BBS9: variants seen among roughly 807,000 people sequenced by gnomAD.
The protein encoded by BBS9 is Bardet-Biedl syndrome 9.
A neutral mutation model predicts 117.7 loss-of-function variants in BBS9; 89 were observed. The observed-to-expected ratio is 0.76, with a 90% confidence interval of 0.64 to 0.90. The LOEUF is 0.90. Among genes scored for constraint, BBS9 ranks in the 40% least tolerant of loss-of-function variants. The pLI, the probability that BBS9 is intolerant of heterozygous loss-of-function variation, is 0.00. For missense variants in BBS9, 982 were observed against 1,042.2 expected (o/e 0.94, Z 0.80); for synonymous variants, 379 against 370.9 (o/e 1.02, Z -0.25).
intron 21 of BBS9, among the ~76,000 whole-genome samples, chr7:33,565,766 T>C (rs1184120525): frequency 8.7e-6 from 1 of 115,456 alleles, no homozygotes; most frequent in East Asian, 2.8e-4. Context: ...ATACAAAACA[T>C]TAAGGCTATC....
In BBS9 at chr7:33,526,616, T is replaced by A. The variant is rs530800833; in HGVS notation, c.2299-7338T>A. 3.1e-4 allele frequency among the ~76,000 whole-genome samples: 47 copies of A among 149,246 alleles called. 1 individual carries two copies. The South Asian group carries it at 9.7e-3, about 31-fold the overall frequency. ...AGCTCCATCAGCTCCTTTAAGCACTTCTCTGTATTGGTTATTCTAGTTATA... is the reference window on the plus strand; with the variant it reads ...AGCTCCATCAGCTCCTTTAAGCACTACTCTGTATTGGTTATTCTAGTTATA... On this transcript the variant is annotated intron_variant, in intron 20 of 22. Coordinates refer to ENST00000242067, the MANE Select transcript of BBS9 (RefSeq NM_198428.3).
chr7:33,435,159 T>A (rs1345374788), intron 19 of BBS9, among the ~76,000 whole-genome samples: 2 of 152,166 alleles, frequency 1.3e-5, no homozygotes, highest in African/African-American at 4.8e-5. Context: ...GTGGTCTTTT[T>A]AGTTGAACAC....
At chr7:33,181,372 C>T (rs968814305) in intron 5 of BBS9, among the ~76,000 whole-genome samples, 2 of 152,196 alleles carry the variant, frequency 1.3e-5, no homozygotes, top group African/African-American at 4.8e-5. Context: ...GCTGGGATTA[C>T]AGATGTGAGG....
Position 33,440,407 on chromosome 7 carries a change from T to G in BBS9, c.2115+52263T>G, listed in dbSNP as rs1029685197. On this transcript the variant is annotated intron_variant, in intron 19 of 22. Coordinates refer to ENST00000242067, the MANE Select transcript of BBS9 (RefSeq NM_198428.3). Reference sequence around the variant, plus strand: ...TATTTTCTTACTGGCTTTTGTTTTCTAAAGAAAGGGTAGTTTTAAATATTC... The same window carrying G: ...TATTTTCTTACTGGCTTTTGTTTTCGAAAGAAAGGGTAGTTTTAAATATTC... 3.3e-5 allele frequency among the ~76,000 whole-genome samples: 5 copies of G among 152,162 alleles called. 1 individual carries two copies. The highest frequency in any genetic ancestry group is 1.2e-4 in the African/African-American group (5 of 41,432).
Position 33,264,275 on chromosome 7 carries a change from A to C in BBS9, c.618-15A>C. 7.1e-7 allele frequency: 1 copy of C among 1,410,200 alleles called. No individual in the cohort carries two copies. Among genetic ancestry groups the C allele is most frequent in the Non-Finnish European group, 9.5e-7 (1 of 1,055,828 alleles). 87.4% of individuals were successfully genotyped at this position (1,410,200 alleles called of 1,614,324 possible). ...TATAAACTCATTTATAATTTTTTAA[A>C]TTTCTTTCATACAGGTACCAGGTAC... On this transcript the variant is annotated splice_polypyrimidine_tract_variant and intron_variant, in intron 6 of 22. Coordinates refer to ENST00000242067, the MANE Select transcript of BBS9 (RefSeq NM_198428.3).
chr7:33,533,864 A>G (rs1585158307), intron 20 of BBS9, 90 bp from the exon 21 acceptor site: 4 of 1,423,658 alleles, frequency 2.8e-6, no homozygotes, highest in Non-Finnish European at 4.0e-6. Flanking sequence ...ACACTTGAAC[A>G]TAAACACTCA....
At chr7:33,148,352 T>C (rs1792751659) in intron 2 of BBS9, among the ~76,000 whole-genome samples, 1 of 152,022 alleles carries the variant, frequency 6.6e-6, no homozygotes, top group African/African-American at 2.4e-5. Context: ...GGAAGAGTAG[T>C]AGATTCTGAA....
chr7:33,171,117 T>C (rs936602364), intron 4 of BBS9, among the ~76,000 whole-genome samples: 8 of 152,028 alleles, frequency 5.3e-5, no homozygotes, highest in African/African-American at 1.7e-4. Flanking sequence ...AAAGTTCATA[T>C]GGAATGAAAA....
At chr7:33,596,282 A>T (rs1296390734) in intron 21 of BBS9, among the ~76,000 whole-genome samples, 1 of 134,034 alleles carries the variant, frequency 7.5e-6, no homozygotes, top group Admixed American at 7.0e-5. Context: ...ACACACACAC[A>T]CACACACACA....
At chr7:33,590,464 T>TGTTTTTG (rs1554551737) in intron 21 of BBS9, among the ~76,000 whole-genome samples, 1 of 147,036 alleles carries the variant, frequency 6.8e-6, no homozygotes, top group African/African-American at 2.5e-5. Flanking sequence ...TTTTTGTTTT[T>TGTTTTTG]TTTTTTTTTT....
At chr7:33,318,783 G>A (rs1471269080) in intron 9 of BBS9, among the ~76,000 whole-genome samples, 2 of 151,848 alleles carry the variant, frequency 1.3e-5, no homozygotes, top group Non-Finnish European at 2.9e-5. Context: ...TCATTCTTAT[G>A]CCTTTGCATC....
At chr7:33,574,044 G>T (rs1303380770) in intron 21 of BBS9, among the ~76,000 whole-genome samples, 1 of 152,104 alleles carries the variant, frequency 6.6e-6, no homozygotes, top group Non-Finnish European at 1.5e-5. Context: ...TGCATGTGGG[G>T]TCCCAGTGCC....
At chr7:33,392,476 A>G (rs2128767654) in intron 19 of BBS9, among the ~76,000 whole-genome samples, 1 of 152,266 alleles carries the variant, frequency 6.6e-6, no homozygotes, top group South Asian at 2.1e-4. Flanking sequence ...TGGTGACTAT[A>G]TGTCCCAATG....
At chr7:33,242,308 G>GTAGA (rs1280572931) in intron 5 of BBS9, among the ~76,000 whole-genome samples, 2 of 151,972 alleles carry the variant, frequency 1.3e-5, no homozygotes, top group African/African-American at 4.8e-5. Context: ...TACAGTAGAG[G>GTAGA]TAGAGCTCTT....
chr7:33,209,894 A>C (rs961939531), intron 5 of BBS9, among the ~76,000 whole-genome samples: 14 of 152,038 alleles, frequency 9.2e-5, no homozygotes, highest in African/African-American at 2.7e-4. Flanking sequence ...ATTCATTTAT[A>C]TCTGCTCTAA....
In BBS9 at chr7:33,619,784, A is replaced by G. The variant is rs139968069; in HGVS notation, c.2522-15393A>G. Among the ~76,000 whole-genome samples, 150 of 152,296 alleles carry G rather than the reference A, an allele frequency of 9.8e-4. 1 individual carries two copies. The Middle Eastern group carries it at 0.01, about 10-fold the overall frequency. On this transcript the variant is annotated intron_variant, in intron 21 of 21. Coordinates refer to the BBS9 transcript ENST00000671952. ...AAAGAAGAAATCAAAAAGGAAATCC[A>G]AAAGTATCTTGAGACAAAAGAAAAC...
In BBS9 at chr7:33,340,924, A is replaced by G; in HGVS notation, c.1226A>G (p.Asp409Gly). The G allele has an allele frequency of 3.7e-6, 6 of 1,613,616 alleles. No homozygotes were observed. Among genetic ancestry groups the G allele is most frequent in the Non-Finnish European group, 5.1e-6 (6 of 1,179,688 alleles). ...QGVWPMTERE[D>G]DLNVSVVVSP... ...GTTTGGCCCATGACTGAGAGAGAAGATGACTTGAACGTTTCTGTCGTGGTT... is the reference window on the plus strand; with the variant it reads ...GTTTGGCCCATGACTGAGAGAGAAGGTGACTTGAACGTTTCTGTCGTGGTT... The change falls in exon 11 of 23, where the codon GAT becomes GGT. Residue 409 changes from aspartate to glycine, a missense_variant. Asp to Gly is a moderately conservative substitution (Grantham distance 94). Transcript: ENST00000242067.
At chr7:33,162,126 G>T (rs1794954016) in intron 4 of BBS9, among the ~76,000 whole-genome samples, 1 of 152,032 alleles carries the variant, frequency 6.6e-6, no homozygotes, top group South Asian at 2.1e-4. Flanking sequence ...CCTTGCCCAT[G>T]CCTGTGTCCT....
intron 19 of BBS9, among the ~76,000 whole-genome samples, chr7:33,445,603 C>T (rs1006256963): frequency 6.6e-6 from 1 of 152,190 alleles, no homozygotes; most frequent in African/African-American, 2.4e-5. Flanking sequence ...AACTGCTTAT[C>T]ACATTGTTGA....
Sources: gnomAD v4.1 joint callset for allele counts (sites outside exome capture counted in the v4.1 genomes callset) on GRCh38, gnomAD v4.1.1 for gene constraint, MANE v1.5 for transcripts, NCBI Gene and HGNC (gene_info 2026-07-23, HGNC 2026-07-21) for gene names.